EXTL2: variants seen among roughly 807,000 people sequenced by gnomAD.
EXTL2 encodes the protein exostosin-like 2.
Under a neutral mutation model 30.7 loss-of-function variants are expected in EXTL2, and 23 were observed. The observed-to-expected ratio is 0.75, with a 90% CI of 0.54 to 1.06. The LOEUF is 1.06. Among genes scored for constraint, EXTL2 ranks in the 50% least tolerant of loss-of-function variants. EXTL2 has a pLI of 0.00. For missense variants in EXTL2, 352 were observed against 396.3 expected (o/e 0.89, Z 0.95); for synonymous variants, 123 against 133.8 (o/e 0.92, Z 0.56).
Position 100,874,206 on chromosome 1 carries a change from A to C in EXTL2, c.729T>G (p.Cys243Trp), listed in dbSNP as rs1269898076. ...TGATAAAATTCATGGCAATATCATCACAGTTTTGAGTATCATCTATCAAAG... is the reference window on the plus strand; with the variant it reads ...TGATAAAATTCATGGCAATATCATCCCAGTTTTGAGTATCATCTATCAAAG... ...VHALIDDTQNCDDIAMNFIIA... is the reference protein window; with the variant it reads ...VHALIDDTQNWDDIAMNFIIA... Residue 243 changes from cysteine (C) to tryptophan (W), a missense_variant, in exon 5 of 5, where the codon TGT (cysteine) becomes TGG (tryptophan). Transcript: ENST00000370114. 3.1e-6 allele frequency: 5 copies of C among 1,612,916 alleles called. No individual in the cohort carries two copies. The highest frequency in any genetic ancestry group is 4.2e-6 in the Non-Finnish European group (5 of 1,179,436).
At position 100,877,712 on chromosome 1, in the gene EXTL2, A is replaced by T; in HGVS notation, c.197T>A (p.Phe66Tyr). 6.2e-7 allele frequency: 1 copy of T among 1,613,576 alleles called. No individual in the cohort carries two copies. The highest frequency in any genetic ancestry group is 1.7e-5 in the Admixed American group (1 of 59,902). Residue 66 changes from phenylalanine (F) to tyrosine (Y), a missense_variant, in exon 3 of 5, where the codon TTT becomes TAT. Phe to Tyr is a conservative substitution (Grantham distance 22). Transcript: ENST00000370114. The surrounding 1 kb of genome is among the most constrained non-coding windows in gnomAD (Gnocchi z 4.1). ...KSQGKSTMDSFTLIMQTYNRT... is the reference protein window; with the variant it reads ...KSQGKSTMDSYTLIMQTYNRT... ...GTTGTACGTCTGCATTATGAGAGTA[A>T]AGGAGTCCATGGTGGACTTGCCCTG...
Position 100,894,838 on chromosome 1 carries a change from C to G in EXTL2, c.-277G>C, listed in dbSNP as rs977886250. On this transcript the variant is annotated 5_prime_UTR_variant, in exon 1 of 5. Transcript: ENST00000370114. ...AGCGCCTGGAGCAAGGGACAGTCCC[C>G]GAGTGGCCGCCCCTCCCTTTCGGTG... 2 of 152,228 alleles carry G rather than the reference C, an allele frequency of 1.3e-5. No individual in the cohort carries two copies. Among genetic ancestry groups the G allele is most frequent in the East Asian group, 1.9e-4 (1 of 5,190 alleles). 9.4% of individuals were successfully genotyped at this position (152,228 alleles called of 1,614,324 possible). A position where few individuals can be genotyped will look rare whatever the true frequency, so the allele number is the denominator to read the frequency against.
At chr1:100,874,467 A>G in intron 4 of EXTL2, 37 bp from the exon 5 acceptor site, 1 of 1,491,924 alleles carries the variant, frequency 6.7e-7, no homozygotes, top group Non-Finnish European at 9.0e-7. Flanking sequence ...AATGTCACAT[A>G]TTTTTAGAGA....
At chr1:100,874,652 CAAA>C (rs1361310591) in intron 4 of EXTL2, among the ~76,000 whole-genome samples, 1 of 151,996 alleles carries the variant, frequency 6.6e-6, no homozygotes, top group African/African-American at 2.4e-5. Flanking sequence ...TCTCTGAAAA[CAAA>C]TATTCTACCC....
intron 4 of EXTL2, among the ~76,000 whole-genome samples, chr1:100,875,303 G>A (rs1649025630): frequency 1.3e-5 from 2 of 151,746 alleles, no homozygotes; most frequent in South Asian, 2.1e-4. Flanking sequence ...ATAGTCTAGA[G>A]AGGGTAGAGG....
chr1:100,888,923 T>C (rs12747459), intron 1 of EXTL2, 95 bp from the exon 2 acceptor site: 46,841 of 472,756 alleles, frequency 0.099, 2,759 homozygotes, highest in Middle Eastern at 0.16. Flanking sequence ...AATGCCATTG[T>C]CCATAAGCCT....
At chr1:100,893,483 C>T (rs1408760553) in intron 1 of EXTL2, among the ~76,000 whole-genome samples, 1 of 152,118 alleles carries the variant, frequency 6.6e-6, no homozygotes, top group Non-Finnish European at 1.5e-5. Flanking sequence ...TTCATAACTA[C>T]TCTTTTCCAT....
chr1:100,893,673 A>T (rs1650608484), intron 1 of EXTL2, among the ~76,000 whole-genome samples: 2 of 152,266 alleles, frequency 1.3e-5, no homozygotes, highest in Admixed American at 1.3e-4. Context: ...TGACAATGAC[A>T]AAAGAAGTGA....
Position 100,872,788 on chromosome 1 carries a change from AAC to A in EXTL2, c.*1152_*1153del, listed in dbSNP as rs771410640. 1 of 152,102 alleles carries A rather than the reference AAC, an allele frequency of 6.6e-6. No individual in the cohort carries two copies. Among genetic ancestry groups the A allele is most frequent in the African/African-American group, 2.4e-5 (1 of 41,440 alleles). 9.4% of individuals were successfully genotyped at this position (152,102 alleles called of 1,614,324 possible). On this transcript the variant is annotated 3_prime_UTR_variant, in exon 5 of 5. Coordinates refer to ENST00000370114, the MANE Select transcript of EXTL2 (RefSeq NM_001033025.3). ...TTGCCTTAGTGGTGAACAAGGACTAAACACAGACAATGGGTGAAACACAGACG... is the reference window on the plus strand; with the variant it reads ...TTGCCTTAGTGGTGAACAAGGACTAAACAGACAATGGGTGAAACACAGACG...
At chr1:100,892,350 T>C (rs1458421998) in intron 1 of EXTL2, among the ~76,000 whole-genome samples, 1 of 152,170 alleles carries the variant, frequency 6.6e-6, no homozygotes, top group Non-Finnish European at 1.5e-5. Flanking sequence ...TGGATGCTTC[T>C]TGCCCTCGAA....
intron 4 of EXTL2, among the ~76,000 whole-genome samples, chr1:100,875,230 G>GACACACACACAC (rs10547668): frequency 0.011 from 1,590 of 149,400 alleles, 12 homozygotes; most frequent in Admixed American, 0.017. Context: ...CAGAACTAGG[G>GACACACACACAC]ACACACACAC....
chr1:100,881,219 G>T (rs562908184), intron 2 of EXTL2, among the ~76,000 whole-genome samples: 6,574 of 152,266 alleles, frequency 0.043, 448 homozygotes, highest in African/African-American at 0.15. Flanking sequence ...TAGTGCAAGT[G>T]GCACACTGTA....
At chr1:100,883,480 G>C (rs1010484808) in intron 2 of EXTL2, among the ~76,000 whole-genome samples, 1 of 151,982 alleles carries the variant, frequency 6.6e-6, no homozygotes, top group African/African-American at 2.4e-5. Flanking sequence ...TCATATGAAT[G>C]GAATCATACA....
intron 1 of EXTL2, among the ~76,000 whole-genome samples, chr1:100,890,575 C>G (rs940949026): frequency 1.3e-5 from 2 of 152,116 alleles, no homozygotes; most frequent in African/African-American, 2.4e-5. Flanking sequence ...ACACAAGTTC[C>G]AAATTCAGAT....
chr1:100,876,398 G>C (rs931607464), intron 4 of EXTL2, among the ~76,000 whole-genome samples: 4 of 151,978 alleles, frequency 2.6e-5, no homozygotes, highest in Admixed American at 6.6e-5. Context: ...ATTTTGTGGA[G>C]GTAATAAATA....
At chr1:100,888,965 C>T in intron 1 of EXTL2, 137 bp from the exon 2 acceptor site, 1 of 423,360 alleles carries the variant, frequency 2.4e-6, no homozygotes, top group Non-Finnish European at 4.3e-6. Context: ...ATTTGTTATT[C>T]TGTCTTCTAA....
intron 1 of EXTL2, among the ~76,000 whole-genome samples, chr1:100,891,185 C>T (rs1480783239): frequency 6.6e-6 from 1 of 152,208 alleles, no homozygotes; most frequent in East Asian, 1.9e-4. Flanking sequence ...CATTTATTGA[C>T]ATCATATCAG....
chr1:100,883,006 A>T (rs920770589), intron 2 of EXTL2, among the ~76,000 whole-genome samples: 16 of 152,200 alleles, frequency 1.1e-4, no homozygotes, highest in Middle Eastern at 3.2e-3. Flanking sequence ...GGGATAAGGA[A>T]CTTGCCTAAG....
chr1:100,884,948 G>T (rs1649847340), intron 2 of EXTL2, among the ~76,000 whole-genome samples: 1 of 152,098 alleles, frequency 6.6e-6, no homozygotes, highest in Admixed American at 6.5e-5. Context: ...ATTAAATGAG[G>T]GAATTTATGT....
Sources: allele counts gnomAD v4.1 joint callset (sites outside exome capture counted in the v4.1 genomes callset), GRCh38; gene constraint gnomAD v4.1.1; non-coding constraint Gnocchi (gnomAD v3.1); transcripts MANE v1.5; gene names NCBI Gene and HGNC (gene_info 2026-07-23, HGNC 2026-07-21).